COL23A1: variants seen among roughly 807,000 people sequenced by gnomAD.
The protein encoded by COL23A1 is collagen alpha-1(XXIII) chain.
A neutral mutation model predicts 99.3 loss-of-function variants in COL23A1; 97 were observed. The ratio of observed to expected loss-of-function variants is 0.98; its 90% CI spans 0.83 to 1.16. The LOEUF is 1.16. Ranked by LOEUF, COL23A1 falls within the 50% of genes most tolerant of loss-of-function variation. The pLI, the probability that COL23A1 is intolerant of heterozygous loss-of-function variation, is 0.00. For missense variants in COL23A1, 762 were observed against 757.4 expected (o/e 1.01, Z -0.07); for synonymous variants, 320 against 308.2 (o/e 1.04, Z -0.40).
chr5:178,277,817 C>T (rs1441306368), intron 5 of COL23A1, among the ~76,000 whole-genome samples: 1 of 152,146 alleles, frequency 6.6e-6, no homozygotes, highest in African/African-American at 2.4e-5. Flanking sequence ...TTGCCCATGA[C>T]TGGTGGGGAG....
intron 1 of COL23A1, among the ~76,000 whole-genome samples, chr5:178,582,206 CAAAAAAAAAAAA>C (rs11315118): frequency 9.5e-5 from 3 of 31,618 alleles, no homozygotes; most frequent in South Asian, 1.1e-3. Flanking sequence ...GACTCTATCT[CAAAAAAAAAAAA>C]AAAAAAAAAA....
At chr5:178,361,788 G>A (rs1486406560) in intron 2 of COL23A1, among the ~76,000 whole-genome samples, 1 of 152,092 alleles carries the variant, frequency 6.6e-6, no homozygotes, top group Non-Finnish European at 1.5e-5. Context: ...ATGTGTGCTT[G>A]AGCCATGCAC....
At chr5:178,256,286 G>A in intron 15 of COL23A1, 67 bp downstream of exon 15, 1 of 1,211,482 alleles carries the variant, frequency 8.3e-7, no homozygotes, top group Non-Finnish European at 1.1e-6. Flanking sequence ...GTGGGGACAG[G>A]GGCTTCTGAA....
In COL23A1 at chr5:178,308,035, G is replaced by C. The variant is rs1022093568; in HGVS notation, c.362-1116C>G. 1.3e-5 allele frequency among the ~76,000 whole-genome samples: 2 copies of C among 151,282 alleles called. No individual in the cohort carries two copies. The highest frequency in any genetic ancestry group is 1.9e-4 in the East Asian group (1 of 5,200). On this transcript the variant is annotated intron_variant, in intron 2 of 28. Coordinates refer to ENST00000390654, the MANE Select transcript of COL23A1 (RefSeq NM_173465.4). This position sits in a 1 kb window ranked among gnomAD's most constrained non-coding sequence, Gnocchi z 5.1. Reference sequence around the variant, plus strand: ...TGTGTGTGTCTGTTTGCATGTGTCTGTGTGTGTCTCTATGTATGTGTGTTT... The same window carrying C: ...TGTGTGTGTCTGTTTGCATGTGTCTCTGTGTGTCTCTATGTATGTGTGTTT...
intron 2 of COL23A1, among the ~76,000 whole-genome samples, chr5:178,449,470 G>A (rs958540098): frequency 2.6e-5 from 4 of 152,294 alleles, no homozygotes; most frequent in South Asian, 2.1e-4. Flanking sequence ...CTACAAACCC[G>A]ACAGCAACGA....
intron 1 of COL23A1, among the ~76,000 whole-genome samples, chr5:178,578,038 C>T (rs1763469835): frequency 6.6e-6 from 1 of 152,182 alleles, no homozygotes. Flanking sequence ...ACAGCATGCA[C>T]ACACGTGCAT....
intron 2 of COL23A1, among the ~76,000 whole-genome samples, chr5:178,453,011 C>T (rs946699705): frequency 6.6e-6 from 1 of 152,088 alleles, no homozygotes; most frequent in African/African-American, 2.4e-5. Context: ...ACTGGAATGC[C>T]CATGAGCAGA....
chr5:178,479,464 C>T (rs1178202899), intron 2 of COL23A1, among the ~76,000 whole-genome samples: 1 of 152,196 alleles, frequency 6.6e-6, no homozygotes, highest in African/African-American at 2.4e-5. Context: ...CCACAGCGGC[C>T]GGTGAGGCTG....
chr5:178,538,824 A>C (rs1044498478), intron 2 of COL23A1, among the ~76,000 whole-genome samples: 1 of 152,262 alleles, frequency 6.6e-6, no homozygotes, highest in Non-Finnish European at 1.5e-5. Context: ...GGAAACCCAC[A>C]TGTCCATCAA....
chr5:178,262,118 G>A (rs1311160848), intron 10 of COL23A1, 99 bp downstream of exon 10: 6 of 1,286,780 alleles, frequency 4.7e-6, no homozygotes, highest in African/African-American at 3.0e-5. Context: ...ATAAACATGT[G>A]CGCGTGACCC....
chr5:178,254,172 C>T (rs370430141), intron 16 of COL23A1, among the ~76,000 whole-genome samples: 2 of 152,230 alleles, frequency 1.3e-5, no homozygotes, highest in African/African-American at 4.8e-5. Context: ...AAAAACAAAA[C>T]GAAGTCCATC....
At chr5:178,248,041 G>T (rs1764808086) in intron 20 of COL23A1, 151 bp downstream of exon 20, 2 of 717,962 alleles carry the variant, frequency 2.8e-6, no homozygotes, top group Non-Finnish European at 2.4e-6. Context: ...GTGAGACTCT[G>T]TTCTCAGAGG....
At chr5:178,414,469 A>C (rs1392555873) in intron 2 of COL23A1, among the ~76,000 whole-genome samples, 2 of 136,230 alleles carry the variant, frequency 1.5e-5, no homozygotes, top group African/African-American at 5.1e-5. Flanking sequence ...AGGCAGGTAA[A>C]TGTGTAAAAA....
In COL23A1 at chr5:178,290,386, G is replaced by A. The variant is rs2127586065; in HGVS notation, c.407-17C>T. The stretch of plus-strand genomic sequence containing the variant: ...CTGGAGGACCTGCAAAACACAAGCA[G>A]AGAAGCCACAGTCAGTGTGGAAGGC... On this transcript the variant is annotated splice_polypyrimidine_tract_variant and intron_variant, in intron 3 of 28. Coordinates refer to ENST00000390654, the MANE Select transcript of COL23A1 (RefSeq NM_173465.4). 6.2e-7 allele frequency: 1 copy of A among 1,614,086 alleles called. No individual in the cohort carries two copies. The highest frequency in any genetic ancestry group is 2.2e-5 in the East Asian group (1 of 44,870).
chr5:178,526,310 G>A (rs1315859732), intron 2 of COL23A1, among the ~76,000 whole-genome samples: 1 of 152,216 alleles, frequency 6.6e-6, no homozygotes, highest in African/African-American at 2.4e-5. Flanking sequence ...CCTGACCTGG[G>A]GGGCCAAGCA....
intron 2 of COL23A1, chr5:178,345,026 C>A: frequency 1.7e-6 from 1 of 579,650 alleles, no homozygotes; most frequent in South Asian, 1.5e-5. Flanking sequence ...AGGATACTCA[C>A]CACCTGGAGA....
intron 2 of COL23A1, among the ~76,000 whole-genome samples, chr5:178,359,634 T>A (rs1050711184): frequency 6.6e-6 from 1 of 151,940 alleles, no homozygotes; most frequent in African/African-American, 2.4e-5. Context: ...CCGAGAGAGG[T>A]GTGGAGTGAA....
At chr5:178,447,648 C>T (rs1029928108) in intron 2 of COL23A1, among the ~76,000 whole-genome samples, 2 of 152,134 alleles carry the variant, frequency 1.3e-5, no homozygotes, top group African/African-American at 2.4e-5. Flanking sequence ...TGAGTACACT[C>T]GCTGATGTCC....
At chr5:178,264,827 G>A (rs1439825365) in intron 8 of COL23A1, among the ~76,000 whole-genome samples, 13 of 152,116 alleles carry the variant, frequency 8.5e-5, no homozygotes, top group Admixed American at 8.5e-4. Flanking sequence ...TGTATTTTTA[G>A]TACAGACGGG....
Sources: allele counts gnomAD v4.1 joint callset (sites outside exome capture counted in the v4.1 genomes callset), GRCh38; gene constraint gnomAD v4.1.1; non-coding constraint Gnocchi (gnomAD v3.1); transcripts MANE v1.5; gene names NCBI Gene and HGNC (gene_info 2026-07-23, HGNC 2026-07-21).